GSK3B: variants seen among roughly 807,000 people sequenced by gnomAD.
The protein encoded by GSK3B is glycogen synthase kinase-3 beta.
GSK3B carries 15 observed loss-of-function variants against 56.4 expected under a neutral mutation model. That is an observed-to-expected ratio of 0.27 (90% CI 0.18 to 0.41). The LOEUF (loss-of-function observed/expected upper bound fraction) is 0.41. Ranked by LOEUF, GSK3B falls within the 10% of genes least tolerant of loss-of-function variation. The pLI is 1.00. For synonymous variants in GSK3B, 181 were observed against 188.9 expected, an observed-to-expected ratio of 0.96 and a Z score of 0.34; for missense variants, 300 against 513.4, an observed-to-expected ratio of 0.58 and a Z score of 4.02.
At chr3:120,037,804 C>T (rs2058034615) in intron 1 of GSK3B, among the ~76,000 whole-genome samples, 1 of 152,102 alleles carries the variant, frequency 6.6e-6, no homozygotes, top group Non-Finnish European at 1.5e-5. Context: ...CTAGGTCAGT[C>T]ATTAAACTCC....
intron 2 of GSK3B, among the ~76,000 whole-genome samples, chr3:119,964,827 T>A (rs1385357726): frequency 6.6e-6 from 1 of 152,190 alleles, no homozygotes; most frequent in Non-Finnish European, 1.5e-5. Flanking sequence ...AATAGATATA[T>A]GTTTATTATC....
At chr3:119,979,990 G>GA (rs377069257) in intron 2 of GSK3B, among the ~76,000 whole-genome samples, 28 of 147,322 alleles carry the variant, frequency 1.9e-4, no homozygotes, top group Middle Eastern at 3.5e-3. Flanking sequence ...TTAGCAGAGA[G>GA]AAAAAAAAAA....
chr3:120,001,942 A>G (rs371586409), intron 2 of GSK3B, 104 bp downstream of exon 2: 11 of 707,126 alleles, frequency 1.6e-5, no homozygotes, highest in South Asian at 7.9e-5. Flanking sequence ...AAAAATGCGC[A>G]CAATAGAAGA....
chr3:119,882,660 C>T (rs2056392778), intron 7 of GSK3B, among the ~76,000 whole-genome samples: 1 of 152,076 alleles, frequency 6.6e-6, no homozygotes, highest in African/African-American at 2.4e-5. Context: ...TTAATATATA[C>T]CAGAAAATGC....
rs1559881737 is a variant in GSK3B at position 120,026,554 on chromosome 3, A to ACACAAAC, written c.89-24316_89-24315insGTTTGTG. Among the ~76,000 whole-genome samples, 13 of 64,412 alleles carry ACACAAAC rather than the reference A, an allele frequency of 2.0e-4. No individual in the cohort carries two copies. The East Asian group carries it at 4.2e-3, about 21-fold the overall frequency. The allele number at this position is 64,412 out of a possible 152,430, so 42.3% of individuals were successfully genotyped here. A position where few individuals can be genotyped will look rare whatever the true frequency, so the allele number is the denominator to read the frequency against. ...ACACACACACACACACACACACACA[A>ACACAAAC]ACACACACACACTCTTTTTTTTTTT... On this transcript the variant is annotated intron_variant, in intron 1 of 10. Transcript: ENST00000264235.
intron 2 of GSK3B, among the ~76,000 whole-genome samples, chr3:119,958,144 C>G (rs1406297946): frequency 6.6e-6 from 1 of 152,074 alleles, no homozygotes; most frequent in Non-Finnish European, 1.5e-5. Flanking sequence ...GTTAGTTTCT[C>G]CTGCACGATG....
At chr3:119,842,385 C>T (rs2055785274) in intron 10 of GSK3B, among the ~76,000 whole-genome samples, 1 of 151,942 alleles carries the variant, frequency 6.6e-6, no homozygotes, top group African/African-American at 2.4e-5. Flanking sequence ...ATTTGCATTG[C>T]AGTTTTAGCC....
intron 9 of GSK3B, among the ~76,000 whole-genome samples, chr3:119,851,004 T>C (rs2055923171): frequency 6.6e-6 from 1 of 152,106 alleles, no homozygotes; most frequent in East Asian, 1.9e-4. Flanking sequence ...CAGAAAACTT[T>C]AGAAAAATTA....
At chr3:119,950,104 T>C (rs1019163526) in intron 2 of GSK3B, among the ~76,000 whole-genome samples, 1 of 152,044 alleles carries the variant, frequency 6.6e-6, no homozygotes, top group Non-Finnish European at 1.5e-5. Context: ...GTGGAGTAGT[T>C]AATAAAGCAG....
chr3:119,855,412 A>T (rs1193593715), intron 9 of GSK3B, among the ~76,000 whole-genome samples: 4 of 152,200 alleles, frequency 2.6e-5, no homozygotes, highest in African/African-American at 7.2e-5. Flanking sequence ...ATTGTGGAAG[A>T]CAGTGTGGCG....
At chr3:120,052,493 C>A (rs776681019) in intron 1 of GSK3B, among the ~76,000 whole-genome samples, 4 of 152,104 alleles carry the variant, frequency 2.6e-5, no homozygotes, top group Non-Finnish European at 5.9e-5. Flanking sequence ...CCACAGTAAC[C>A]CCCAACGCAC....
At chr3:119,953,024 C>T (rs1180532280) in intron 2 of GSK3B, among the ~76,000 whole-genome samples, 1 of 151,466 alleles carries the variant, frequency 6.6e-6, no homozygotes, top group Non-Finnish European at 1.5e-5. Flanking sequence ...GGGTTTATAA[C>T]GTAAATAAAT....
chr3:119,853,803 G>T (rs1159773300), intron 9 of GSK3B, among the ~76,000 whole-genome samples: 2 of 152,154 alleles, frequency 1.3e-5, no homozygotes, highest in Non-Finnish European at 2.9e-5. Context: ...TTGCTTATCA[G>T]CTTAAGGAGA....
chr3:119,888,999 A>G (rs994938655), intron 7 of GSK3B, among the ~76,000 whole-genome samples: 2 of 152,122 alleles, frequency 1.3e-5, no homozygotes, highest in Admixed American at 6.6e-5. Context: ...GATGTTTATC[A>G]AGACAATACG....
At chr3:119,928,178 T>C (rs1386697382) in intron 3 of GSK3B, among the ~76,000 whole-genome samples, 1 of 152,240 alleles carries the variant, frequency 6.6e-6, no homozygotes, top group African/African-American at 2.4e-5. Context: ...AGGAGAGAAC[T>C]GGGAGTTGGT....
At chr3:119,986,233 T>C (rs1237358927) in intron 2 of GSK3B, among the ~76,000 whole-genome samples, 4 of 152,088 alleles carry the variant, frequency 2.6e-5, no homozygotes, top group African/African-American at 9.7e-5. Flanking sequence ...ATAAAAACCC[T>C]AGAAGAAAAC....
In GSK3B at chr3:119,876,517, A is replaced by C. The variant is rs2056314785; in HGVS notation, c.814-9T>G. On this transcript the variant is annotated splice_polypyrimidine_tract_variant and intron_variant, in intron 7 of 10. Coordinates refer to ENST00000264235, the MANE Select transcript of GSK3B (RefSeq NM_001146156.2). The stretch of plus-strand genomic sequence containing the variant: ...GTTGGAGTTCCCAGGACCTAGAAAG[A>C]AAGCAAGTTATTGCCATCTTTTCCT... The C allele has an allele frequency of 2.7e-6, 4 of 1,463,546 alleles. No homozygotes were observed. The highest frequency in any genetic ancestry group is 1.7e-4 in the Middle Eastern group (1 of 5,738). The allele number at this position is 1,463,546 out of a possible 1,614,324, so 90.7% of individuals were successfully genotyped here.
chr3:119,885,158 A>G (rs1198217251), intron 7 of GSK3B, among the ~76,000 whole-genome samples: 1 of 152,082 alleles, frequency 6.6e-6, no homozygotes, highest in East Asian at 1.9e-4. Flanking sequence ...CAGGATAAAA[A>G]ATCAACAAAT....
intron 9 of GSK3B, among the ~76,000 whole-genome samples, chr3:119,847,549 T>G (rs907465836): frequency 6.6e-6 from 1 of 152,024 alleles, no homozygotes; most frequent in African/African-American, 2.4e-5. Context: ...ATGACAAACC[T>G]ATATCTCAAA....
Sources: gnomAD v4.1 joint callset for allele counts (sites outside exome capture counted in the v4.1 genomes callset) on GRCh38, gnomAD v4.1.1 for gene constraint, MANE v1.5 for transcripts, NCBI Gene and HGNC (gene_info 2026-07-23, HGNC 2026-07-21) for gene names.